CCDC149: variants seen among roughly 807,000 people sequenced by gnomAD.
CCDC149 encodes the protein coiled-coil domain-containing protein 149.
CCDC149 carries 45 observed loss-of-function variants against 59.9 expected under a neutral mutation model. That is an observed-to-expected ratio of 0.75 (90% CI 0.59 to 0.96). The LOEUF is 0.96. Among genes scored for constraint, CCDC149 ranks in the 40% least tolerant of loss-of-function variants. The pLI, the probability that CCDC149 is intolerant of heterozygous loss-of-function variation, is 0.00. For missense variants in CCDC149, 584 were observed against 664.7 expected (o/e 0.88, Z 1.33); for synonymous variants, 245 against 260.6 (o/e 0.94, Z 0.58).
intron 1 of CCDC149, among the ~76,000 whole-genome samples, chr4:24,905,921 G>T (rs1265235753): frequency 6.6e-6 from 1 of 152,156 alleles, no homozygotes; most frequent in Non-Finnish European, 1.5e-5. Context: ...CCTTGCCCTG[G>T]ACTTGCCCCT....
intron 1 of CCDC149, among the ~76,000 whole-genome samples, chr4:24,944,297 G>A (rs1723039321): frequency 6.6e-6 from 1 of 151,874 alleles, no homozygotes; most frequent in South Asian, 2.1e-4. Flanking sequence ...ACTATCGCAA[G>A]GACTAAAAAC....
intron 1 of CCDC149, among the ~76,000 whole-genome samples, chr4:24,901,241 C>T (rs1181731463): frequency 1.3e-5 from 2 of 152,130 alleles, no homozygotes; most frequent in African/African-American, 2.4e-5. Flanking sequence ...ACCAGGTCTC[C>T]ACCACTTTGC....
At chr4:24,869,193 C>A (rs73807030) in intron 3 of CCDC149, among the ~76,000 whole-genome samples, 4,091 of 152,312 alleles carry the variant, frequency 0.027, 158 homozygotes, top group East Asian at 0.19. Flanking sequence ...CATGCCTGAT[C>A]ATGCCCATCT....
chr4:24,938,423 G>T (rs763702942), intron 1 of CCDC149, among the ~76,000 whole-genome samples: 1 of 152,186 alleles, frequency 6.6e-6, no homozygotes, highest in Non-Finnish European at 1.5e-5. Context: ...GGGGGATGGA[G>T]CCAAGATAGC....
chr4:24,904,594 T>C (rs577495420), intron 1 of CCDC149, among the ~76,000 whole-genome samples: 1 of 152,346 alleles, frequency 6.6e-6, no homozygotes, highest in South Asian at 2.1e-4. Context: ...GTGTTTGACT[T>C]TATAAGAAAC....
upstream of CCDC149, among the ~76,000 whole-genome samples, chr4:24,914,978 C>G (rs1049566098): frequency 1.3e-5 from 2 of 152,220 alleles, no homozygotes; most frequent in Non-Finnish European, 2.9e-5. Flanking sequence ...AGTTCAATAA[C>G]ATTGCACACC....
chr4:24,941,951 G>A (rs1274313541), intron 1 of CCDC149, among the ~76,000 whole-genome samples: 1 of 152,094 alleles, frequency 6.6e-6, no homozygotes, highest in African/African-American at 2.4e-5. Flanking sequence ...ATTCACAGCC[G>A]AATTCTACCA....
At chr4:24,871,598 A>C (rs772585069) in intron 3 of CCDC149, among the ~76,000 whole-genome samples, 12 of 152,070 alleles carry the variant, frequency 7.9e-5, no homozygotes, top group Non-Finnish European at 1.3e-4. Context: ...ATATATGAAA[A>C]TAGCTTGCTC....
rs200140047 is a variant in CCDC149 at position 24,835,007 on chromosome 4, G to T, written c.761C>A (p.Ser254Ter). Residue 254 changes from serine to a stop codon, truncating the protein, a stop_gained, in exon 8 of 13, where the codon TCG becomes TAG. Transcript: ENST00000635206. LOFTEE classifies it high-confidence loss of function. ...GCTGCTGGATTTACCCTGGCCCTTC[G>T]AGTTTTTCCGTCTCTCCAGAGCATT... 1 of 1,613,706 alleles carries T rather than the reference G, an allele frequency of 6.2e-7. No individual in the cohort carries two copies. Among genetic ancestry groups the T allele is most frequent in the African/African-American group, 1.3e-5 (1 of 74,896 alleles).
intron 1 of CCDC149, among the ~76,000 whole-genome samples, chr4:24,972,156 C>T (rs1422684102): frequency 6.6e-6 from 1 of 152,184 alleles, no homozygotes; most frequent in Non-Finnish European, 1.5e-5. Flanking sequence ...CAGAATAAAT[C>T]TCTTCAAACA....
chr4:24,951,470 A>C (rs1419795954), intron 1 of CCDC149, among the ~76,000 whole-genome samples: 1 of 152,254 alleles, frequency 6.6e-6, no homozygotes, highest in East Asian at 1.9e-4. Flanking sequence ...AAATAATTTT[A>C]AAGTCATATT....
intron 1 of CCDC149, among the ~76,000 whole-genome samples, chr4:24,925,282 T>C (rs1305802021): frequency 6.6e-6 from 1 of 152,198 alleles, no homozygotes; most frequent in African/African-American, 2.4e-5. Flanking sequence ...GTCATACTCT[T>C]TGGGAGTTTT....
chr4:24,937,833 C>T (rs1454058962), intron 1 of CCDC149, among the ~76,000 whole-genome samples: 1 of 152,166 alleles, frequency 6.6e-6, no homozygotes, highest in Non-Finnish European at 1.5e-5. Context: ...GAGTAAATGT[C>T]CCTGCTGTTC....
chr4:24,811,895 A>G (rs1364898944), intron 12 of CCDC149, among the ~76,000 whole-genome samples: 1 of 149,602 alleles, frequency 6.7e-6, no homozygotes, highest in Non-Finnish European at 1.5e-5. Flanking sequence ...AAAAAATTTC[A>G]CTGGGCCAAA....
At chr4:24,868,919 A>T (rs1231183970) in intron 3 of CCDC149, among the ~76,000 whole-genome samples, 4 of 152,062 alleles carry the variant, frequency 2.6e-5, no homozygotes, top group African/African-American at 9.7e-5. Context: ...ATATGCTTTA[A>T]TTTTCTCCTT....
upstream of CCDC149, among the ~76,000 whole-genome samples, chr4:24,916,787 GGTGT>G (rs55857592): frequency 0.061 from 8,648 of 141,954 alleles, 305 homozygotes; most frequent in South Asian, 0.12. Flanking sequence ...GGTTTATAAT[GGTGT>G]GTGTGTGTGT....
At chr4:24,954,832 A>C (rs185405005) in intron 1 of CCDC149, among the ~76,000 whole-genome samples, 22 of 152,354 alleles carry the variant, frequency 1.4e-4, no homozygotes, top group Non-Finnish European at 2.6e-4. Context: ...CTTTCTATTC[A>C]TACTGATCTT....
At chr4:24,822,463 A>G in intron 10 of CCDC149, 34 bp downstream of exon 10, 1 of 1,409,082 alleles carries the variant, frequency 7.1e-7, no homozygotes, top group Non-Finnish European at 9.5e-7. Flanking sequence ...AGAAAAAAAA[A>G]AAAGGAAAAT....
chr4:24,804,706 G>A (rs1714067999), downstream of CCDC149, among the ~76,000 whole-genome samples: 1 of 152,092 alleles, frequency 6.6e-6, no homozygotes, highest in African/African-American at 2.4e-5. Context: ...ATGCCATATC[G>A]TGAACCGGGG....
Sources: gnomAD v4.1 joint callset for allele counts (sites outside exome capture counted in the v4.1 genomes callset) on GRCh38, gnomAD v4.1.1 for gene constraint, MANE v1.5 for transcripts, NCBI Gene and HGNC (gene_info 2026-07-23, HGNC 2026-07-21) for gene names.